The following MICU1 variants were observed in gnomAD, a reference collection of about 807,000 sequenced individuals.
The protein encoded by MICU1 is mitochondrial calcium uptake 1.
MICU1 carries 45 observed loss-of-function variants against 56.8 expected under a neutral mutation model. That is an observed-to-expected ratio of 0.79 (90% CI 0.62 to 1.02). The LOEUF is 1.02. Ranked by LOEUF, MICU1 falls within the 50% of genes least tolerant of loss-of-function variation. The pLI is 0.00. For missense variants in MICU1, 504 were observed against 587.1 expected, an observed-to-expected ratio of 0.86 and a Z score of 1.46; for synonymous variants, 186 against 195.1, an observed-to-expected ratio of 0.95 and a Z score of 0.39.
chr10:72,431,745 G>T (rs1333570109), intron 8 of MICU1, among the ~76,000 whole-genome samples: 1 of 152,080 alleles, frequency 6.6e-6, no homozygotes, highest in Non-Finnish European at 1.5e-5. Flanking sequence ...GTCTAAAAAT[G>T]GTAGAGATAA....
chr10:72,569,363 T>C (rs1014267402), intron 1 of MICU1, among the ~76,000 whole-genome samples: 2 of 150,038 alleles, frequency 1.3e-5, no homozygotes, highest in Non-Finnish European at 3.0e-5. Context: ...GCCTCTTGAG[T>C]AGCTGGGACT....
chr10:72,601,887 C>T (rs1841547524), intron 1 of MICU1, among the ~76,000 whole-genome samples: 1 of 151,578 alleles, frequency 6.6e-6, no homozygotes, highest in African/African-American at 2.4e-5. Context: ...GCAACCTCCG[C>T]CTCCCAGGTT....
At chr10:72,562,509 T>C (rs1170230516) in intron 3 of MICU1, among the ~76,000 whole-genome samples, 1 of 152,194 alleles carries the variant, frequency 6.6e-6, no homozygotes, top group Non-Finnish European at 1.5e-5. Context: ...CAAAGTTACT[T>C]GGTCTTCTAG....
At chr10:72,447,921 G>A (rs1225084563) in intron 8 of MICU1, among the ~76,000 whole-genome samples, 1 of 151,864 alleles carries the variant, frequency 6.6e-6, no homozygotes, top group Non-Finnish European at 1.5e-5. Context: ...TACATTTTGA[G>A]GACACCATCT....
At chr10:72,479,357 A>T (rs1021201004) in intron 6 of MICU1, among the ~76,000 whole-genome samples, 3 of 152,210 alleles carry the variant, frequency 2.0e-5, no homozygotes, top group African/African-American at 7.2e-5. Context: ...AAGCAACAAA[A>T]CATGACACAG....
chr10:72,564,055 G>A (rs1313314328), intron 2 of MICU1, among the ~76,000 whole-genome samples: 1 of 152,114 alleles, frequency 6.6e-6, no homozygotes, highest in Non-Finnish European at 1.5e-5. Context: ...AGCCATTGCT[G>A]CAATGATATA....
chr10:72,580,008 A>T (rs945820598), intron 1 of MICU1, among the ~76,000 whole-genome samples: 4 of 152,136 alleles, frequency 2.6e-5, no homozygotes, highest in Non-Finnish European at 1.5e-5. Flanking sequence ...CTGTGTCATC[A>T]ATCTTTTTCA....
chr10:72,433,435 T>G (rs1399725670), intron 8 of MICU1, among the ~76,000 whole-genome samples: 1 of 150,800 alleles, frequency 6.6e-6, no homozygotes, highest in Non-Finnish European at 1.5e-5. Context: ...TTGTATTTTT[T>G]TTTTTTTTTT....
chr10:72,476,510 T>C (rs1257700090), intron 7 of MICU1, among the ~76,000 whole-genome samples: 1 of 152,200 alleles, frequency 6.6e-6, no homozygotes, highest in Non-Finnish European at 1.5e-5. Context: ...ATTATAAGCA[T>C]GAGTGATCGT....
intron 1 of MICU1, among the ~76,000 whole-genome samples, chr10:72,584,023 A>G (rs1387174788): frequency 1.3e-5 from 2 of 152,250 alleles, no homozygotes; most frequent in African/African-American, 4.8e-5. Context: ...AAGTCTCTAC[A>G]GTATAAAATG....
At chr10:72,506,697 G>A (rs1867263459) in intron 6 of MICU1, among the ~76,000 whole-genome samples, 1 of 152,244 alleles carries the variant, frequency 6.6e-6, no homozygotes. Flanking sequence ...AATAATTTGG[G>A]TTTGATATTA....
At chr10:72,546,538 T>C (rs915140256) in intron 4 of MICU1, among the ~76,000 whole-genome samples, 3 of 152,336 alleles carry the variant, frequency 2.0e-5, no homozygotes, top group Middle Eastern at 3.4e-3. Flanking sequence ...GGAGCCTCTC[T>C]GAACCTATTC....
At chr10:72,541,779 T>C (rs1427671641) in intron 4 of MICU1, among the ~76,000 whole-genome samples, 2 of 152,184 alleles carry the variant, frequency 1.3e-5, no homozygotes, top group Non-Finnish European at 2.9e-5. Context: ...GCTCTATCTG[T>C]GCAGTGGGCA....
chr10:72,410,355 G>A (rs7099880), intron 9 of MICU1, among the ~76,000 whole-genome samples: 2 of 152,158 alleles, frequency 1.3e-5, no homozygotes, highest in African/African-American at 4.8e-5. Flanking sequence ...GGTGGCTCAC[G>A]CCTGTAATCC....
chr10:72,377,275 A>G (rs1418291242), intron 10 of MICU1, among the ~76,000 whole-genome samples: 2 of 152,038 alleles, frequency 1.3e-5, no homozygotes, highest in African/African-American at 2.4e-5. Context: ...GCCTGCCATC[A>G]CGCCTGGCTA....
chr10:72,620,560 T>A (rs555878794), intron 1 of MICU1, among the ~76,000 whole-genome samples: 95 of 152,334 alleles, frequency 6.2e-4, no homozygotes, highest in African/African-American at 2.3e-3. Flanking sequence ...TATCCTTAAC[T>A]GTTGAGGATA....
At chr10:72,515,281 T>C (rs1339999754) in intron 5 of MICU1, among the ~76,000 whole-genome samples, 3 of 152,232 alleles carry the variant, frequency 2.0e-5, no homozygotes, top group Non-Finnish European at 4.4e-5. Flanking sequence ...AAGTCTTTCG[T>C]TAGATTCTAG....
At chr10:72,454,782 C>CAA (rs10591892) in intron 8 of MICU1, among the ~76,000 whole-genome samples, 3 of 119,046 alleles carry the variant, frequency 2.5e-5, no homozygotes, top group East Asian at 6.0e-4. Flanking sequence ...AACTCCATCT[C>CAA]AAAAAAAAAA....
chr10:72,493,236 T>C (rs1228189165), intron 6 of MICU1, among the ~76,000 whole-genome samples: 1 of 152,030 alleles, frequency 6.6e-6, no homozygotes, highest in Non-Finnish European at 1.5e-5. Context: ...CACACACAAT[T>C]TTTCCCCCAC....
Sources: allele counts gnomAD v4.1 joint callset (sites outside exome capture counted in the v4.1 genomes callset), GRCh38; gene constraint gnomAD v4.1.1; transcripts MANE v1.5; gene names NCBI Gene and HGNC (gene_info 2026-07-23, HGNC 2026-07-21).